The following GRIA1 variants were observed in gnomAD, a reference collection of about 807,000 sequenced individuals.
The protein encoded by GRIA1 is glutamate ionotropic receptor AMPA type subunit 1, also known as glutamate receptor 1.
GRIA1 carries 31 observed loss-of-function variants against 99.2 expected under a neutral mutation model. That is an observed-to-expected ratio of 0.31 (90% CI 0.23 to 0.42). The LOEUF is 0.42. GRIA1 is among the 10% of genes least tolerant of loss of function. GRIA1 has a pLI of 1.00. For synonymous variants in GRIA1, 438 were observed against 432.4 expected (o/e 1.01, Z -0.16); for missense variants, 782 against 1,157.5 (o/e 0.68, Z 4.71).
intron 11 of GRIA1, among the ~76,000 whole-genome samples, chr5:153,727,372 G>C (rs2149551497): frequency 1.3e-5 from 2 of 152,254 alleles, no homozygotes; most frequent in Middle Eastern, 3.4e-3. Context: ...CATAGTGTTG[G>C]AAGTTCTGGC....
rs187762145 is a variant in GRIA1 at position 153,493,868 on chromosome 5, C to T, written c.83-60C>T. ...AGAAAAGGACTCATCTGGAGTGAGT[C>T]GTGAGGAACTAAAACCTGTCTCTAG... On this transcript the variant is annotated intron_variant, in intron 1 of 15. Coordinates refer to ENST00000285900, the MANE Select transcript of GRIA1 (RefSeq NM_000827.4). 2.1e-4 allele frequency: 334 copies of T among 1,566,974 alleles called. No individual in the cohort carries two copies. In the African/African-American group the frequency reaches 3.8e-3, roughly 18 times the overall value.
chr5:153,507,228 T>C (rs1445158112), intron 2 of GRIA1, among the ~76,000 whole-genome samples: 1 of 152,172 alleles, frequency 6.6e-6, no homozygotes, highest in Non-Finnish European at 1.5e-5. Flanking sequence ...TCCAGCTACT[T>C]ATGTCTTTGT....
chr5:153,520,889 A>G (rs1757073974), intron 2 of GRIA1, among the ~76,000 whole-genome samples: 1 of 152,232 alleles, frequency 6.6e-6, no homozygotes, highest in South Asian at 2.1e-4. Context: ...TCATGAAAGC[A>G]TTTCCATGAA....
chr5:153,794,560 C>T lies in GRIA1; in HGVS notation c.2271-61C>T, dbSNP rs547268633. 5.2e-5 allele frequency: 59 copies of T among 1,142,754 alleles called. No homozygotes were observed. In the East Asian group the frequency reaches 9.4e-4, roughly 18 times the overall value. 70.8% of individuals were successfully genotyped at this position (1,142,754 alleles called of 1,614,324 possible). ...GCTGATTCACCGATCCCTTGGGTCA[C>T]GTGACTTGCTGAGTGTTCTCCACCT... On this transcript the variant is annotated intron_variant, in intron 13 of 15. Coordinates refer to ENST00000285900, the MANE Select transcript of GRIA1 (RefSeq NM_000827.4).
intron 11 of GRIA1, among the ~76,000 whole-genome samples, chr5:153,737,105 T>C (rs1761430238): frequency 6.6e-6 from 1 of 152,060 alleles, no homozygotes; most frequent in Non-Finnish European, 1.5e-5. Flanking sequence ...CAATCTTCAA[T>C]TGGGGTGGAT....
intron 4 of GRIA1, among the ~76,000 whole-genome samples, chr5:153,654,187 A>T (rs971568663): frequency 6.6e-6 from 1 of 152,160 alleles, no homozygotes; most frequent in Non-Finnish European, 1.5e-5. Flanking sequence ...CAAGCTCTTA[A>T]TACATATTTG....
At chr5:153,557,317 T>G (rs186342600) in intron 2 of GRIA1, among the ~76,000 whole-genome samples, 1 of 152,280 alleles carries the variant, frequency 6.6e-6, no homozygotes, top group Non-Finnish European at 1.5e-5. Flanking sequence ...CAGGCTAGAG[T>G]GCAATGGCAA....
chr5:153,494,784 T>G (rs1051077187), intron 2 of GRIA1, among the ~76,000 whole-genome samples: 1 of 152,206 alleles, frequency 6.6e-6, no homozygotes, highest in Non-Finnish European at 1.5e-5. Context: ...GCTCACATGA[T>G]TGGCTTTTCA....
intron 8 of GRIA1, among the ~76,000 whole-genome samples, chr5:153,697,701 G>A (rs1248892155): frequency 6.6e-6 from 1 of 152,120 alleles, no homozygotes; most frequent in Non-Finnish European, 1.5e-5. Flanking sequence ...GGAAAGAGGG[G>A]TTTGACCCTG....
intron 2 of GRIA1, among the ~76,000 whole-genome samples, chr5:153,500,348 C>T (rs1355886345): frequency 6.6e-6 from 1 of 152,158 alleles, no homozygotes; most frequent in Non-Finnish European, 1.5e-5. Context: ...TGCCCCACTC[C>T]ATACCTTTGT....
At position 153,674,588 on chromosome 5, in the gene GRIA1, C is replaced by T. The variant is rs149860835; in HGVS notation, c.788C>T (p.Pro263Leu). 116 of 1,614,036 alleles carry T rather than the reference C, an allele frequency of 7.2e-5. No homozygotes were observed. Among genetic ancestry groups the T allele is most frequent in the Non-Finnish European group, 8.9e-5 (105 of 1,179,966 alleles). ...CTGGTGAACTACACAGACACTATTC[C>T]GGCCAAGATCATGCAGCAGTGGAAG... ...FQLVNYTDTIPAKIMQQWKNS... is the reference protein window; with the variant it reads ...FQLVNYTDTILAKIMQQWKNS... The change falls in exon 6 of 16, where the codon CCG becomes CTG. Residue 263 changes from proline to leucine, a missense_variant. Around this residue, in one of 5 missense-constraint regions of GRIA1, gnomAD observed 461 missense variants for 521.7 expected, o/e 0.88. Coordinates refer to ENST00000285900, the MANE Select transcript of GRIA1 (RefSeq NM_000827.4).
chr5:153,523,511 A>ATTT (rs33960409), intron 2 of GRIA1, among the ~76,000 whole-genome samples: 9,454 of 149,990 alleles, frequency 0.063, 376 homozygotes, highest in South Asian at 0.15. Context: ...TGCTTTGAAC[A>ATTT]TTTTTTTTTT....
chr5:153,758,414 A>G (rs1167253144), intron 11 of GRIA1, among the ~76,000 whole-genome samples: 1 of 152,014 alleles, frequency 6.6e-6, no homozygotes, highest in African/African-American at 2.4e-5. Context: ...AGTCACACTT[A>G]TATCAGAAAA....
chr5:153,554,749 C>A (rs895706460), intron 2 of GRIA1, among the ~76,000 whole-genome samples: 2 of 152,198 alleles, frequency 1.3e-5, no homozygotes, highest in Non-Finnish European at 2.9e-5. Context: ...CCACCTCAGC[C>A]TCCCAAAGTG....
intron 12 of GRIA1, among the ~76,000 whole-genome samples, chr5:153,769,669 C>T (rs1561845365): frequency 6.6e-6 from 1 of 151,070 alleles, no homozygotes; most frequent in Non-Finnish European, 1.5e-5. Context: ...TTTTTGCCAT[C>T]AAAAGTAATG....
chr5:153,566,690 A>C (rs1258099525), intron 2 of GRIA1, among the ~76,000 whole-genome samples: 1 of 149,268 alleles, frequency 6.7e-6, no homozygotes, highest in African/African-American at 2.5e-5. Flanking sequence ...TAAGCTGCTT[A>C]TCAGATATAC....
In GRIA1 at chr5:153,669,391, G is replaced by A. The variant is rs146530454; in HGVS notation, c.700-5109G>A. ...TCTTATAAGCAATGCTTCTGAAGCC[G>A]TTTTCAGTGGAGCACTTAACAGCAC... On this transcript the variant is annotated intron_variant, in intron 5 of 15. Coordinates refer to ENST00000285900, the MANE Select transcript of GRIA1 (RefSeq NM_000827.4). Among the ~76,000 whole-genome samples, 1,285 of 152,172 alleles carry A rather than the reference G, an allele frequency of 8.4e-3. 22 individuals are homozygous for A. Among genetic ancestry groups the A allele is most frequent in the African/African-American group, 0.029 (1,187 of 41,530 alleles).
intron 2 of GRIA1, among the ~76,000 whole-genome samples, chr5:153,600,431 A>T (rs1407408907): frequency 1.8e-4 from 7 of 39,110 alleles, no homozygotes; most frequent in Non-Finnish European, 3.0e-4. Flanking sequence ...GGAGTTTGTA[A>T]GGATAGGTTT....
chr5:153,811,272 C>A lies in GRIA1; in HGVS notation c.*47C>A. The A allele has an allele frequency of 6.9e-7, 1 of 1,443,890 alleles. No individual in the cohort carries two copies. The highest frequency in any genetic ancestry group is 9.7e-7 in the Non-Finnish European group (1 of 1,028,096). 89.4% of individuals were successfully genotyped at this position (1,443,890 alleles called of 1,614,324 possible). A position where few individuals can be genotyped will look rare whatever the true frequency, so the allele number is the denominator to read the frequency against. On this transcript the variant is annotated 3_prime_UTR_variant, in exon 16 of 16. Coordinates refer to ENST00000285900, the MANE Select transcript of GRIA1 (RefSeq NM_000827.4). ...TGGGGAGCAGGCTCGGGCTCCCCAG[C>A]CCCATCCCAAACCCTTCAGTGCCAA... is the stretch of plus-strand genomic sequence containing the variant.
Sources: gnomAD v4.1 joint callset for allele counts (sites outside exome capture counted in the v4.1 genomes callset) on GRCh38, gnomAD v4.1.1 for gene constraint, gnomAD v4.1.1 regional missense constraint, MANE v1.5 for transcripts, NCBI Gene and HGNC (gene_info 2026-07-23, HGNC 2026-07-21) for gene names.